The following SUZ12 variants were observed in gnomAD, a reference collection of about 807,000 sequenced individuals.
The protein encoded by SUZ12 is polycomb protein SUZ12.
SUZ12 carries 17 observed loss-of-function variants against 87.3 expected under a neutral mutation model. The ratio of observed to expected loss-of-function variants is 0.19; its 90% CI spans 0.13 to 0.29. The LOEUF is 0.29. Among genes scored for constraint, SUZ12 ranks in the 10% least tolerant of loss-of-function variants. SUZ12 has a pLI of 1.00. For missense variants in SUZ12, 526 were observed against 912.2 expected (o/e 0.58, Z 5.45); for synonymous variants, 253 against 312.4 (o/e 0.81, Z 2.01).
At chr17:31,980,894 C>T (rs1909064907) in intron 8 of SUZ12, among the ~76,000 whole-genome samples, 2 of 152,068 alleles carry the variant, frequency 1.3e-5, no homozygotes, top group South Asian at 4.2e-4. Context: ...GGGCTGAGTG[C>T]AGTGGCTCAC....
intron 5 of SUZ12, among the ~76,000 whole-genome samples, chr17:31,969,446 C>T (rs1046019136): frequency 1.8e-4 from 27 of 151,290 alleles, no homozygotes; most frequent in African/African-American, 5.6e-4. Context: ...GCCACCGAGC[C>T]CAGCCCCTAA....
In SUZ12 at chr17:31,997,658, C is replaced by CCTAT. The variant is rs571170568; in HGVS notation, c.1874+784_1874+787dup. Among the ~76,000 whole-genome samples, 75 of 135,242 alleles carry CCTAT rather than the reference C, an allele frequency of 5.5e-4. 1 individual carries two copies. In the East Asian group the frequency reaches 0.012, roughly 22 times the overall value. 88.7% of individuals were successfully genotyped at this position (135,242 alleles called of 152,430 possible). ...TCCAGCCTGGGCAACAGAGTGAGAC[C>CCTAT]CTATCTCCAAAAAAAAAAAAAAAAA... is the stretch of plus-strand genomic sequence containing the variant. On this transcript the variant is annotated intron_variant, in intron 15 of 15. Coordinates refer to ENST00000322652, the MANE Select transcript of SUZ12 (RefSeq NM_015355.4).
chr17:31,998,348 G>A (rs1206421948), intron 15 of SUZ12, among the ~76,000 whole-genome samples: 1 of 152,064 alleles, frequency 6.6e-6, no homozygotes, highest in Non-Finnish European at 1.5e-5. Context: ...CAAAGTGCTA[G>A]AATTACAGGC....
At chr17:31,945,200 T>C (rs1331371483) in intron 3 of SUZ12, among the ~76,000 whole-genome samples, 1 of 152,180 alleles carries the variant, frequency 6.6e-6, no homozygotes, top group African/African-American at 2.4e-5. Flanking sequence ...AGTTGGTGAC[T>C]TTGGAAGGTG....
intron 4 of SUZ12, among the ~76,000 whole-genome samples, chr17:31,963,537 G>GC (rs1358046143): frequency 1.3e-5 from 2 of 151,556 alleles, no homozygotes; most frequent in Non-Finnish European, 2.9e-5. Context: ...TCACTCTGTC[G>GC]CCCATGCTGG....
intron 4 of SUZ12, among the ~76,000 whole-genome samples, chr17:31,951,542 G>A (rs8069895): frequency 0.046 from 6,906 of 151,010 alleles, 512 homozygotes; most frequent in African/African-American, 0.16. Context: ...GAGTGCAGTG[G>A]CGCCATCTCA....
At chr17:31,974,552 G>A (rs1348349560) in intron 6 of SUZ12, among the ~76,000 whole-genome samples, 1 of 152,098 alleles carries the variant, frequency 6.6e-6, no homozygotes, top group African/African-American at 2.4e-5. Context: ...AACAAGTGAT[G>A]ATATGAAAAT....
intron 9 of SUZ12, among the ~76,000 whole-genome samples, chr17:31,987,759 C>T (rs751037055): frequency 5.3e-5 from 8 of 151,986 alleles, no homozygotes; most frequent in African/African-American, 7.3e-5. Flanking sequence ...GATGAAACCC[C>T]GTCTCTACTA....
At chr17:31,954,515 A>G (rs1907188694) in intron 4 of SUZ12, among the ~76,000 whole-genome samples, 1 of 152,172 alleles carries the variant, frequency 6.6e-6, no homozygotes, top group Non-Finnish European at 1.5e-5. Flanking sequence ...CCTAGGCACT[A>G]TACTAAGCCC....
chr17:31,956,386 G>A (rs1231349328), intron 4 of SUZ12, among the ~76,000 whole-genome samples: 1 of 152,070 alleles, frequency 6.6e-6, no homozygotes, highest in Non-Finnish European at 1.5e-5. Context: ...TAGAGATGGG[G>A]TTTCACCGTG....
chr17:31,982,851 A>T (rs1909195052), intron 8 of SUZ12, 148 bp from the exon 9 acceptor site: 1 of 1,077,512 alleles, frequency 9.3e-7, no homozygotes, highest in Non-Finnish European at 1.3e-6. Context: ...TCAGGACTGG[A>T]GTGTAGCTGT....
intron 3 of SUZ12, among the ~76,000 whole-genome samples, chr17:31,943,275 A>G (rs1464978650): frequency 6.6e-6 from 1 of 152,196 alleles, no homozygotes. Context: ...GGACCAGTAA[A>G]TAGTAATTAT....
At chr17:31,947,486 C>G (rs1159385338) in intron 3 of SUZ12, 131 bp from the exon 4 acceptor site, 51 of 1,177,276 alleles carry the variant, frequency 4.3e-5, no homozygotes, top group Non-Finnish European at 5.1e-5. Context: ...TATGGCTAAT[C>G]ATCCATAATT....
intron 4 of SUZ12, among the ~76,000 whole-genome samples, chr17:31,961,503 C>T (rs1246826461): frequency 1.3e-5 from 2 of 152,130 alleles, no homozygotes; most frequent in African/African-American, 4.8e-5. Flanking sequence ...GAGATCGCAC[C>T]ACTGCACTCC....
In SUZ12 at chr17:31,994,738, T is replaced by A; in HGVS notation, c.1595+17T>A. On this transcript the variant is annotated intron_variant, in intron 13 of 15. Coordinates refer to ENST00000322652, the MANE Select transcript of SUZ12 (RefSeq NM_015355.4). Reference sequence around the variant, plus strand: ...TGTGTGCAGGTAGGTAAAAAGGGCATATAAGAAAAGTTTAAGCTCTGATTT... The same window carrying A: ...TGTGTGCAGGTAGGTAAAAAGGGCAAATAAGAAAAGTTTAAGCTCTGATTT... 6.2e-7 allele frequency: 1 copy of A among 1,607,564 alleles called. No individual in the cohort carries two copies. The highest frequency in any genetic ancestry group is 8.5e-7 in the Non-Finnish European group (1 of 1,176,692).
chr17:31,986,964 A>T (rs528908477), intron 9 of SUZ12, among the ~76,000 whole-genome samples: 4 of 152,176 alleles, frequency 2.6e-5, no homozygotes, highest in African/African-American at 4.8e-5. Flanking sequence ...GATCTCTCCT[A>T]TATTTGAATA....
intron 10 of SUZ12, among the ~76,000 whole-genome samples, chr17:31,989,765 A>ATTTTTTTTTTTTT (rs568524946): frequency 7.7e-6 from 1 of 129,862 alleles, no homozygotes; most frequent in Non-Finnish European, 1.7e-5. Context: ...CGACCAGCTA[A>ATTTTTTTTTTTTT]TTTTTTTTTT....
chr17:31,972,201 C>G (rs1022386434), intron 5 of SUZ12, among the ~76,000 whole-genome samples: 4 of 151,978 alleles, frequency 2.6e-5, no homozygotes, highest in African/African-American at 4.8e-5. Flanking sequence ...GGGAGGATCA[C>G]TTTAACCCGG....
chr17:31,955,870 T>C (rs987920110), intron 4 of SUZ12, among the ~76,000 whole-genome samples: 1 of 152,016 alleles, frequency 6.6e-6, no homozygotes, highest in Non-Finnish European at 1.5e-5. Context: ...GTGTGAACCA[T>C]TACACCCAGC....
Sources: gnomAD v4.1 joint callset for allele counts (sites outside exome capture counted in the v4.1 genomes callset) on GRCh38, gnomAD v4.1.1 for gene constraint, MANE v1.5 for transcripts, NCBI Gene and HGNC (gene_info 2026-07-23, HGNC 2026-07-21) for gene names.